GRIP1: variants seen among roughly 807,000 people sequenced by gnomAD.
The protein encoded by GRIP1 is glutamate receptor-interacting protein 1.
In GRIP1, 45 loss-of-function variants were observed where a neutral mutation model predicts 129.9. The observed-to-expected ratio is 0.35, with a 90% CI of 0.27 to 0.44. The LOEUF is 0.44. Ranked by LOEUF, GRIP1 falls within the 20% of genes least tolerant of loss-of-function variation. GRIP1 has a pLI of 1.00. For missense variants in GRIP1, 1,196 were observed against 1,396.8 expected, an observed-to-expected ratio of 0.86 and a Z score of 2.29; for synonymous variants, 530 against 520.8, an observed-to-expected ratio of 1.02 and a Z score of -0.24.
At chr12:66,675,419 T>G (rs2136252105) in intron 1 of GRIP1, among the ~76,000 whole-genome samples, 1 of 152,240 alleles carries the variant, frequency 6.6e-6, no homozygotes, top group African/African-American at 2.4e-5. Context: ...AGAAAGTGAT[T>G]CTCTGCATAT....
At chr12:67,039,851 T>C (rs80206403) in intron 1 of GRIP1, among the ~76,000 whole-genome samples, 376 of 152,298 alleles carry the variant, frequency 2.5e-3, no homozygotes, top group East Asian at 7.3e-3. Context: ...AATTATCCTA[T>C]TGTGTCAAAT....
At chr12:66,637,972 C>T (rs1003933111) in intron 1 of GRIP1, among the ~76,000 whole-genome samples, 25 of 152,266 alleles carry the variant, frequency 1.6e-4, no homozygotes, top group African/African-American at 6.0e-4. Flanking sequence ...ATGCTGGCTA[C>T]CAAATGCACT....
chr12:66,641,017 C>T (rs920873297), intron 1 of GRIP1, among the ~76,000 whole-genome samples: 5 of 152,270 alleles, frequency 3.3e-5, no homozygotes, highest in Non-Finnish European at 5.9e-5. Context: ...TAAATTTCTG[C>T]ACAAATTTCT....
chr12:66,665,310 A>C (rs917981200), intron 1 of GRIP1, among the ~76,000 whole-genome samples: 9 of 152,210 alleles, frequency 5.9e-5, no homozygotes, highest in African/African-American at 2.2e-4. Context: ...AACCAACCAA[A>C]ATAAACTTTT....
chr12:67,052,336 A>T (rs1269513086), intron 1 of GRIP1, among the ~76,000 whole-genome samples: 2 of 152,222 alleles, frequency 1.3e-5, no homozygotes, highest in Admixed American at 1.3e-4. Flanking sequence ...TGTAATAACA[A>T]GAAAACCTGG....
At chr12:67,035,520 G>A (rs184363057) in intron 1 of GRIP1, 24 of 152,296 alleles carry the variant, frequency 1.6e-4, no homozygotes, top group African/African-American at 5.3e-4. Context: ...GGTATGTTTG[G>A]ATGGGAACAT....
chr12:66,612,813 C>T (rs73325147), intron 1 of GRIP1, among the ~76,000 whole-genome samples: 7,880 of 152,190 alleles, frequency 0.052, 714 homozygotes, highest in African/African-American at 0.18. Context: ...TGGCCTGGTG[C>T]GATTCCATGG....
chr12:66,608,805 G>C (rs1040061440), intron 1 of GRIP1, among the ~76,000 whole-genome samples: 1 of 152,034 alleles, frequency 6.6e-6, no homozygotes, highest in Non-Finnish European at 1.5e-5. Context: ...ATTGAACAAA[G>C]CAGTGTAAAT....
At chr12:66,869,310 C>T (rs1566058608) in intron 1 of GRIP1, among the ~76,000 whole-genome samples, 1 of 152,022 alleles carries the variant, frequency 6.6e-6, no homozygotes, top group Non-Finnish European at 1.5e-5. Context: ...CTGCTTCACT[C>T]ATCTACTAGA....
At chr12:66,962,383 T>C (rs2041933887) in intron 1 of GRIP1, among the ~76,000 whole-genome samples, 2 of 152,120 alleles carry the variant, frequency 1.3e-5, no homozygotes, top group South Asian at 4.1e-4. Flanking sequence ...GAGAGGCCTT[T>C]TCTGATTAGA....
intron 1 of GRIP1, among the ~76,000 whole-genome samples, chr12:66,960,438 C>G (rs957952132): frequency 5.9e-5 from 9 of 152,100 alleles, no homozygotes; most frequent in Non-Finnish European, 1.0e-4. Context: ...TAGGAAACAT[C>G]GAGAGCAGCA....
chr12:66,451,383 GTTTTTTTTTTTTT>G (rs1169331519), intron 11 of GRIP1, among the ~76,000 whole-genome samples: 16,544 of 42,634 alleles, frequency 0.39, 2,689 homozygotes, highest in Middle Eastern at 0.58. Context: ...ATTATAATCT[GTTTTTTTTTTTTT>G]TTTTTTTTTT....
In GRIP1 at chr12:66,976,334, G is replaced by A. The variant is rs150201989; in HGVS notation, c.58+92716C>T. Among the ~76,000 whole-genome samples, 587 of 152,152 alleles carry A rather than the reference G, an allele frequency of 3.9e-3. 1 individual carries two copies. Among genetic ancestry groups the A allele is most frequent in the Non-Finnish European group, 5.6e-3 (379 of 68,002 alleles). ...TGTATGTATTGGTGATTTATATATCGCTCCTCACAGACTGTCCAATCCAGT... is the reference window on the plus strand; with the variant it reads ...TGTATGTATTGGTGATTTATATATCACTCCTCACAGACTGTCCAATCCAGT... On this transcript the variant is annotated intron_variant, in intron 1 of 1. Coordinates refer to the GRIP1 transcript ENST00000643019.
chr12:66,569,966 G>A (rs1751912207), intron 2 of GRIP1, among the ~76,000 whole-genome samples: 1 of 152,034 alleles, frequency 6.6e-6, no homozygotes, highest in Admixed American at 6.6e-5. Context: ...GATATCACCA[G>A]GAACTGCAAC....
At chr12:66,888,526 A>C (rs1194164744) in intron 1 of GRIP1, among the ~76,000 whole-genome samples, 1 of 152,018 alleles carries the variant, frequency 6.6e-6, no homozygotes, top group Non-Finnish European at 1.5e-5. Context: ...TGCACAGCTA[A>C]TTTTCACATT....
chr12:66,851,692 C>G (rs2039914838), intron 1 of GRIP1, among the ~76,000 whole-genome samples: 1 of 152,006 alleles, frequency 6.6e-6, no homozygotes, highest in South Asian at 2.1e-4. Context: ...CTCTAAAATC[C>G]CACAATTCCA....
Position 66,687,672 on chromosome 12 carries a change from C to T in GRIP1, c.-419-57336G>A, listed in dbSNP as rs993419268. On this transcript the variant is annotated intron_variant, in intron 1 of 4. Coordinates refer to the GRIP1 transcript ENST00000538373. ...TTTATACCAAAGGTCAGTTAATCCACATGAATTGCTCATGCTTAAACAGCA... is the reference window on the plus strand; with the variant it reads ...TTTATACCAAAGGTCAGTTAATCCATATGAATTGCTCATGCTTAAACAGCA... Among the ~76,000 whole-genome samples, 161 of 152,290 alleles carry T rather than the reference C, an allele frequency of 1.1e-3. 1 individual carries two copies. Among genetic ancestry groups the T allele is most frequent in the African/African-American group, 3.7e-3 (153 of 41,566 alleles).
intron 1 of GRIP1, among the ~76,000 whole-genome samples, chr12:66,603,015 G>A (rs1477112454): frequency 6.6e-6 from 1 of 151,090 alleles, no homozygotes; most frequent in African/African-American, 2.4e-5. Flanking sequence ...ATGCCACCAA[G>A]CCTGACTTTT....
intron 1 of GRIP1, among the ~76,000 whole-genome samples, chr12:66,826,338 A>G (rs1458177227): frequency 6.6e-6 from 1 of 152,148 alleles, no homozygotes; most frequent in African/African-American, 2.4e-5. Context: ...GCATTAGAAG[A>G]AATACCTAAT....
Sources: allele counts gnomAD v4.1 joint callset (sites outside exome capture counted in the v4.1 genomes callset), GRCh38; gene constraint gnomAD v4.1.1; transcripts MANE v1.5; gene names NCBI Gene and HGNC (gene_info 2026-07-23, HGNC 2026-07-21).